The following RGS8 variants were observed in gnomAD, a reference collection of about 807,000 sequenced individuals.
RGS8 encodes regulator of G-protein signaling 8.
RGS8 carries 8 observed loss-of-function variants against 21.7 expected under a neutral mutation model. That is an observed-to-expected ratio of 0.37 (90% CI 0.22 to 0.66). The LOEUF (loss-of-function observed/expected upper bound fraction) is 0.66, where lower values mean the gene tolerates loss of function less well. RGS8 is among the 30% of genes least tolerant of loss of function. The probability of loss-of-function intolerance (pLI) is 0.59; values close to 1 mark genes in which losing one functional copy is unlikely to be tolerated. For synonymous variants in RGS8, 80 were observed against 83.6 expected, an observed-to-expected ratio of 0.96 and a Z score of 0.24; for missense variants, 157 against 217.9, an observed-to-expected ratio of 0.72 and a Z score of 1.76.
the RGS8 span, among the ~76,000 whole-genome samples, chr1:182,716,919 G>C: frequency 6.6e-6 from 1 of 152,104 alleles, no homozygotes; most frequent in Non-Finnish European, 1.5e-5. Context: ...GTGTGACTTG[G>C]CTAAGTCTTT....
upstream of RGS8, among the ~76,000 whole-genome samples, chr1:182,688,599 T>C (rs1302823623): frequency 6.6e-6 from 1 of 152,100 alleles, no homozygotes; most frequent in African/African-American, 2.4e-5. Context: ...TTATCCTGGG[T>C]TATCTAGGCA....
At chr1:182,727,486 T>G in the RGS8 span, among the ~76,000 whole-genome samples, 1 of 152,242 alleles carries the variant, frequency 6.6e-6, no homozygotes, top group Non-Finnish European at 1.5e-5. Flanking sequence ...AAAATTGACA[T>G]TCTGCTCTTT....
chr1:182,708,771 T>C, the RGS8 span, among the ~76,000 whole-genome samples: 7 of 152,224 alleles, frequency 4.6e-5, no homozygotes, highest in African/African-American at 1.7e-4. Flanking sequence ...TCCTGCCCCA[T>C]ACTTGGGAAC....
intron 4 of RGS8, among the ~76,000 whole-genome samples, chr1:182,666,313 C>G (rs1307304834): frequency 6.6e-6 from 1 of 152,104 alleles, no homozygotes; most frequent in Non-Finnish European, 1.5e-5. Flanking sequence ...TTAAAGGTAT[C>G]GAGGTAACAA....
At chr1:182,700,920 A>G in the RGS8 span, among the ~76,000 whole-genome samples, 2 of 152,252 alleles carry the variant, frequency 1.3e-5, no homozygotes, top group African/African-American at 4.8e-5. Context: ...ACTGGGATTC[A>G]AGTGCAAGTT....
chr1:182,747,731 C>A, the RGS8 span, among the ~76,000 whole-genome samples: 3 of 151,950 alleles, frequency 2.0e-5, no homozygotes, highest in South Asian at 6.2e-4. Flanking sequence ...CAGGCTTGGC[C>A]AGGCGCATTG....
the RGS8 span, among the ~76,000 whole-genome samples, chr1:182,739,999 C>G: frequency 2.6e-5 from 4 of 151,966 alleles, no homozygotes; most frequent in African/African-American, 9.7e-5. Flanking sequence ...TTTCTATCAT[C>G]GCCTGGGTGA....
the RGS8 span, among the ~76,000 whole-genome samples, chr1:182,707,072 T>C: frequency 6.6e-6 from 1 of 151,884 alleles, no homozygotes; most frequent in Non-Finnish European, 1.5e-5. Flanking sequence ...GGCAGGAGAA[T>C]AGCTTGAACC....
the RGS8 span, among the ~76,000 whole-genome samples, chr1:182,743,385 T>A: frequency 6.6e-6 from 1 of 152,138 alleles, no homozygotes; most frequent in Non-Finnish European, 1.5e-5. Context: ...CACATTTTCC[T>A]TATATATAGA....
At chr1:182,745,844 T>C in the RGS8 span, among the ~76,000 whole-genome samples, 1 of 152,280 alleles carries the variant, frequency 6.6e-6, no homozygotes, top group African/African-American at 2.4e-5. Flanking sequence ...TGTACATCAC[T>C]TTCTCCCTAT....
the RGS8 span, among the ~76,000 whole-genome samples, chr1:182,727,835 T>C: frequency 6.6e-6 from 1 of 152,216 alleles, no homozygotes; most frequent in African/African-American, 2.4e-5. Context: ...TAATTTTATA[T>C]ATAAAATGAA....
At chr1:182,674,606 C>T (rs372164480), upstream of RGS8, among the ~76,000 whole-genome samples, 1 of 152,176 alleles carries the variant, frequency 6.6e-6, no homozygotes, top group Non-Finnish European at 1.5e-5. Flanking sequence ...GGCATAATTT[C>T]AGGGAGGAGA....
At chr1:182,721,008 C>CACATATATGTGTGT in the RGS8 span, among the ~76,000 whole-genome samples, 1 of 90,308 alleles carries the variant, frequency 1.1e-5, no homozygotes, top group Non-Finnish European at 2.3e-5. Context: ...TGTATATATA[C>CACATATATGTGTGT]ATATATACAC....
intron 5 of RGS8, among the ~76,000 whole-genome samples, chr1:182,652,542 T>A (rs540481955): frequency 9.8e-5 from 15 of 152,372 alleles, no homozygotes; most frequent in African/African-American, 2.6e-4. Context: ...GAAAACTTCA[T>A]ATAAGGTATA....
At chr1:182,650,947 G>A (rs1198660006) in intron 5 of RGS8, among the ~76,000 whole-genome samples, 1 of 152,128 alleles carries the variant, frequency 6.6e-6, no homozygotes, top group Non-Finnish European at 1.5e-5. Context: ...TATAATGTAA[G>A]GTTACTTCCT....
At chr1:182,701,522 G>A in the RGS8 span, among the ~76,000 whole-genome samples, 1 of 152,246 alleles carries the variant, frequency 6.6e-6, no homozygotes, top group South Asian at 2.1e-4. Flanking sequence ...GCAACTTTTT[G>A]TCCCTTAAGG....
intron 2 of RGS8, 29 bp from the exon 4 acceptor site, chr1:182,669,781 G>A (rs1664062274): frequency 6.5e-6 from 10 of 1,541,516 alleles, no homozygotes; most frequent in South Asian, 6.2e-5. Context: ...CTGTAAGAGG[G>A]GCCACCCTCT....
chr1:182,667,492 A>G (rs1663931711), intron 3 of RGS8, among the ~76,000 whole-genome samples: 1 of 152,100 alleles, frequency 6.6e-6, no homozygotes, highest in South Asian at 2.1e-4. Context: ...AGTTCTCCCC[A>G]CTCATCCCAC....
At chr1:182,656,320 C>T (rs535147085) in intron 5 of RGS8, among the ~76,000 whole-genome samples, 2 of 152,220 alleles carry the variant, frequency 1.3e-5, no homozygotes, top group African/African-American at 4.8e-5. Flanking sequence ...CACACACATA[C>T]CACAGCCCAG....
Sources: allele counts gnomAD v4.1 joint callset (sites outside exome capture counted in the v4.1 genomes callset), GRCh38; gene constraint gnomAD v4.1.1; transcripts MANE v1.5; gene names NCBI Gene and HGNC (gene_info 2026-07-23, HGNC 2026-07-21).